Variants in DOCK2 observed in about 807,000 individuals in gnomAD.
DOCK2 encodes dedicator of cytokinesis 2.
Under a neutral mutation model 248.9 loss-of-function variants are expected in DOCK2, and 87 were observed. That is an observed-to-expected ratio of 0.35 (90% CI 0.29 to 0.42). The LOEUF is 0.42. Among genes scored for constraint, DOCK2 ranks in the 10% least tolerant of loss-of-function variants. The pLI is 1.00. For synonymous variants in DOCK2, 805 were observed against 821.6 expected (o/e 0.98, Z 0.35); for missense variants, 1,747 against 2,300.2 (o/e 0.76, Z 4.92).
chr5:169,689,234 C>A lies in DOCK2; in HGVS notation c.762-18C>A. 1.2e-6 allele frequency: 2 copies of A among 1,613,468 alleles called. No homozygotes were observed. Among genetic ancestry groups the A allele is most frequent in the Non-Finnish European group, 1.7e-6 (2 of 1,179,562 alleles). ...CAGGTCCCTTGGCAGTAACGGGCTG[C>A]CACTCTTCTTCCCACAGTGAGAACT... On this transcript the variant is annotated intron_variant, in intron 8 of 51. Coordinates refer to ENST00000520908, the MANE Select transcript of DOCK2 (RefSeq NM_004946.3).
chr5:169,867,102 C>T (rs538793608), intron 27 of DOCK2, among the ~76,000 whole-genome samples: 10 of 152,312 alleles, frequency 6.6e-5, no homozygotes, highest in Non-Finnish European at 1.0e-4. Context: ...CACTTCCTTA[C>T]GTTTACTGGT....
intron 1 of DOCK2, among the ~76,000 whole-genome samples, chr5:169,653,174 A>T (rs927118140): frequency 1.3e-5 from 2 of 152,194 alleles, no homozygotes; most frequent in African/African-American, 4.8e-5. Flanking sequence ...ACTTAGAATC[A>T]TGTCTGGGAT....
chr5:169,805,562 A>G (rs1767308663), intron 26 of DOCK2, among the ~76,000 whole-genome samples: 1 of 152,184 alleles, frequency 6.6e-6, no homozygotes, highest in Non-Finnish European at 1.5e-5. Context: ...TAATGTGCTA[A>G]TTGTCAAGTT....
chr5:169,832,033 G>A (rs746110256), intron 26 of DOCK2, among the ~76,000 whole-genome samples: 14 of 152,202 alleles, frequency 9.2e-5, no homozygotes, highest in Non-Finnish European at 1.3e-4. Context: ...TTCTGATCAT[G>A]GAAGGAGCAT....
At chr5:169,949,041 C>T (rs1189105818) in intron 27 of DOCK2, among the ~76,000 whole-genome samples, 2 of 152,160 alleles carry the variant, frequency 1.3e-5, no homozygotes, top group African/African-American at 2.4e-5. Context: ...AGAATCACCA[C>T]GTTCCCTGAT....
In DOCK2 at chr5:169,694,952, G is replaced by A. The variant is rs187725830; in HGVS notation, c.844-851G>A. Among the ~76,000 whole-genome samples, 34 of 152,298 alleles carry A rather than the reference G, an allele frequency of 2.2e-4. 1 individual carries two copies. The East Asian group carries it at 6.4e-3, about 29-fold the overall frequency. On this transcript the variant is annotated intron_variant, in intron 9 of 51. Coordinates refer to ENST00000520908, the MANE Select transcript of DOCK2 (RefSeq NM_004946.3). ...ATCATGCTACTGCCCTCTAGCCTGT[G>A]TGACAGAGTGAAGCCCTGTCTCAAA...
At chr5:169,931,868 TG>T (rs985212973) in intron 27 of DOCK2, among the ~76,000 whole-genome samples, 9 of 152,356 alleles carry the variant, frequency 5.9e-5, no homozygotes, top group African/African-American at 2.2e-4. Flanking sequence ...CCCTCCTGCC[TG>T]CCCTTCTCTA....
intron 27 of DOCK2, among the ~76,000 whole-genome samples, chr5:169,952,978 AAT>A (rs1207340611): frequency 6.6e-6 from 1 of 152,210 alleles, no homozygotes; most frequent in Non-Finnish European, 1.5e-5. Context: ...TTTGTTATTC[AAT>A]ATACTTATTT....
chr5:169,857,473 C>T (rs1770956448), intron 27 of DOCK2, among the ~76,000 whole-genome samples: 1 of 152,076 alleles, frequency 6.6e-6, no homozygotes, highest in Non-Finnish European at 1.5e-5. Flanking sequence ...GACACCGTAC[C>T]CGGCCCCTCT....
At chr5:169,828,488 T>C (rs1769016932) in intron 26 of DOCK2, among the ~76,000 whole-genome samples, 1 of 152,114 alleles carries the variant, frequency 6.6e-6, no homozygotes, top group Non-Finnish European at 1.5e-5. Context: ...TAGTAGACCT[T>C]TGATTTGGGG....
intron 32 of DOCK2, among the ~76,000 whole-genome samples, chr5:170,014,188 T>C (rs577741039): frequency 4.3e-4 from 66 of 152,212 alleles, no homozygotes; most frequent in African/African-American, 1.6e-3. Flanking sequence ...AAATAGGAAA[T>C]GGGATTAGAG....
chr5:169,779,513 C>CA (rs1222042080), intron 25 of DOCK2: 3 of 152,320 alleles, frequency 2.0e-5, no homozygotes, highest in Non-Finnish European at 4.4e-5. Context: ...CAATGGCTCA[C>CA]ACTGGCTCAT....
chr5:169,665,929 G>A (rs1758699057), intron 2 of DOCK2, among the ~76,000 whole-genome samples: 1 of 152,166 alleles, frequency 6.6e-6, no homozygotes, highest in African/African-American at 2.4e-5. Context: ...TGTGAAAAGG[G>A]AGGATTATTT....
In DOCK2 at chr5:169,670,541, G is replaced by A; in HGVS notation, c.169-1G>A. On this transcript the variant is annotated splice_acceptor_variant, in intron 3 of 51. Coordinates refer to ENST00000520908, the MANE Select transcript of DOCK2 (RefSeq NM_004946.3). LOFTEE classifies it high-confidence loss of function. ...GTTTTGTTTTGTTTTGTTTCCAACA[G>A]GGCATTTTTCCTAAGTCATTTATCC... 1 of 1,612,820 alleles carries A rather than the reference G, an allele frequency of 6.2e-7. No individual in the cohort carries two copies. The highest frequency in any genetic ancestry group is 1.3e-5 in the African/African-American group (1 of 74,898).
chr5:170,051,812 A>T (rs1277582432), intron 41 of DOCK2, among the ~76,000 whole-genome samples: 3 of 152,236 alleles, frequency 2.0e-5, no homozygotes, highest in Non-Finnish European at 4.4e-5. Context: ...AAGAGGAAAG[A>T]AGAAAAGAGA....
intron 46 of DOCK2, among the ~76,000 whole-genome samples, chr5:170,073,228 T>C (rs918457074): frequency 1.3e-5 from 2 of 152,228 alleles, no homozygotes; most frequent in African/African-American, 4.8e-5. Flanking sequence ...TTTAGCACCA[T>C]GTGTTGAAAA....
intron 27 of DOCK2, chr5:169,882,938 C>T (rs1772746116): frequency 6.4e-7 from 1 of 1,551,798 alleles, no homozygotes; most frequent in Non-Finnish European, 8.7e-7. Flanking sequence ...CCTGGGTGGG[C>T]TGGCTGGCTG....
intron 11 of DOCK2, among the ~76,000 whole-genome samples, 180 bp from the exon 12 acceptor site, chr5:169,699,202 G>A (rs768642547): frequency 6.6e-6 from 1 of 152,202 alleles, no homozygotes; most frequent in Non-Finnish European, 1.5e-5. Context: ...AAATTTCAGA[G>A]CCACATTGCT....
At chr5:169,829,604 G>A (rs1184293284) in intron 26 of DOCK2, among the ~76,000 whole-genome samples, 1 of 151,992 alleles carries the variant, frequency 6.6e-6, no homozygotes, top group Non-Finnish European at 1.5e-5. Flanking sequence ...CAGAACCCAG[G>A]GCCTATGACT....
Sources: gnomAD v4.1 joint callset for allele counts (sites outside exome capture counted in the v4.1 genomes callset) on GRCh38, gnomAD v4.1.1 for gene constraint, MANE v1.5 for transcripts, NCBI Gene and HGNC (gene_info 2026-07-23, HGNC 2026-07-21) for gene names.